TACR2: variants seen among roughly 807,000 people sequenced by gnomAD.
TACR2 encodes substance-K receptor.
In TACR2, 24 loss-of-function variants were observed where a neutral mutation model predicts 28.9. The observed-to-expected ratio is 0.83, with a 90% CI of 0.60 to 1.17. TACR2 has a LOEUF of 1.17. Ranked by LOEUF, TACR2 falls within the 50% of genes most tolerant of loss-of-function variation. The pLI is 0.00. For synonymous variants in TACR2, 222 were observed against 212.6 expected, an observed-to-expected ratio of 1.04 and a Z score of -0.38; for missense variants, 487 against 524.4, an observed-to-expected ratio of 0.93 and a Z score of 0.70.
chr10:69,404,792 C>G lies in TACR2; in HGVS notation c.*34G>C, dbSNP rs1449242048. ...ATCCCCAATACCCAAACACCTCCCA[C>G]TAACCCCTACCTCCCAACACTGCCA... On this transcript the variant is annotated 3_prime_UTR_variant, in exon 5 of 5. Coordinates refer to ENST00000373306, the MANE Select transcript of TACR2 (RefSeq NM_001057.3). 3 of 1,250,422 alleles carry G rather than the reference C, an allele frequency of 2.4e-6. No homozygotes were observed. The East Asian group carries it at 7.7e-5, about 32-fold the overall frequency. The allele number at this position is 1,250,422 out of a possible 1,614,324, so 77.5% of individuals were successfully genotyped here.
chr10:69,410,186 G>A (rs139203633), intron 2 of TACR2, among the ~76,000 whole-genome samples: 1 of 151,950 alleles, frequency 6.6e-6, no homozygotes, highest in East Asian at 1.9e-4. Context: ...TCCCCAGGGA[G>A]GACACTGGGT....
chr10:69,414,990 C>T lies in TACR2; in HGVS notation c.542G>A (p.Cys181Tyr), dbSNP rs528407251. ...GCTGTCTTCGGGCCAGGCCACCACG[C>T]ACTTGGTGGCACCCTGGTCCATGGT... ...TVTMDQGATK[C>Y]VVAWPEDSGG... is the part of the protein sequence containing the mutation. The change falls in exon 2 of 5, where the codon TGC (cysteine) becomes TAC (tyrosine). Residue 181 changes from cysteine to tyrosine, a missense_variant. Coordinates refer to ENST00000373306, the MANE Select transcript of TACR2 (RefSeq NM_001057.3). The T allele has an allele frequency of 3.7e-6, 6 of 1,613,768 alleles. No homozygotes were observed. In the South Asian group the frequency reaches 5.5e-5, roughly 15 times the overall value.
At chr10:69,415,308 ACT>A (rs1840604282) in intron 1 of TACR2, among the ~76,000 whole-genome samples, 169 bp from the exon 2 acceptor site, 2 of 151,320 alleles carry the variant, frequency 1.3e-5, no homozygotes, top group Non-Finnish European at 2.9e-5. Context: ...CCGCTGGGTG[ACT>A]CTCCCACAGC....
Position 69,416,164 on chromosome 10 carries a change from C to T in TACR2, c.160G>A (p.Val54Ile), listed in dbSNP as rs151093941. Residue 54 changes from valine (V) to isoleucine (I), a missense_variant, in exon 1 of 5, where the codon GTC becomes ATC. Coordinates refer to ENST00000373306, the MANE Select transcript of TACR2 (RefSeq NM_001057.3). ...VLVAVTGNAIVIWIILAHRRM... is the reference protein window; with the variant it reads ...VLVAVTGNAIIIWIILAHRRM... ...CGATGGGCCAGGATGATCCAGATGA[C>T]GATGGCATTACCCGTCACGGCCACC... is the stretch of plus-strand genomic sequence containing the variant. 214 of 1,614,184 alleles carry T rather than the reference C, an allele frequency of 1.3e-4. No individual in the cohort carries two copies. The highest frequency in any genetic ancestry group is 2.8e-4 in the African/African-American group (21 of 75,054).
intron 4 of TACR2, among the ~76,000 whole-genome samples, 195 bp downstream of exon 4, chr10:69,406,884 GGGCTC>G (rs1840506432): frequency 6.6e-6 from 1 of 152,204 alleles, no homozygotes; most frequent in Admixed American, 6.5e-5. Context: ...GGGAGGAAGG[GGGCTC>G]AAGCTAGGCC....
chr10:69,410,396 C>T (rs542192994), intron 2 of TACR2, among the ~76,000 whole-genome samples: 17 of 152,006 alleles, frequency 1.1e-4, no homozygotes, highest in Non-Finnish European at 1.9e-4. Context: ...TGGGGCACAC[C>T]TGTAATTCCA....
rs200975784 is a variant in TACR2 at position 69,415,019 on chromosome 10, G to A, written c.513C>T (p.Thr171=). 29 of 1,613,802 alleles carry A rather than the reference G, an allele frequency of 1.8e-5. No individual in the cohort carries two copies. Among genetic ancestry groups the A allele is most frequent in the South Asian group, 1.8e-4 (16 of 91,088 alleles). ...TGGTGGCACCCTGGTCCATGGTGAC[G>A]GTGGAGTAGAAGCACTGAGGGGAGG... The part of the protein sequence containing the change: ...ALASPQCFYS[T]VTMDQGATKC... The change falls in exon 2 of 5, where the codon ACC becomes ACT. Residue 171 remains threonine, a synonymous_variant. Coordinates refer to ENST00000373306, the MANE Select transcript of TACR2 (RefSeq NM_001057.3).
chr10:69,415,267 A>G, intron 1 of TACR2, 128 bp from the exon 2 acceptor site: 4 of 1,054,914 alleles, frequency 3.8e-6, no homozygotes, highest in Non-Finnish European at 5.3e-6. Flanking sequence ...CCATCTGCTG[A>G]TATCATAGTA....
At chr10:69,414,870 C>G in intron 2 of TACR2, 75 bp downstream of exon 2, 1 of 1,448,638 alleles carries the variant, frequency 6.9e-7, no homozygotes, top group Non-Finnish European at 9.4e-7. Context: ...TGGATGCATG[C>G]ACGCGTGTGT....
intron 2 of TACR2, among the ~76,000 whole-genome samples, chr10:69,411,847 T>G (rs115424556): frequency 0.036 from 5,471 of 152,280 alleles, 267 homozygotes; most frequent in African/African-American, 0.11. Flanking sequence ...TTTGTTTTTT[T>G]TGAGATGGAG....
At position 69,407,109 on chromosome 10, in the gene TACR2, T is replaced by C. The variant is rs1256556556; in HGVS notation, c.913A>G (p.Ile305Val). The change falls in exon 4 of 5, where the codon ATC (isoleucine) becomes GTC (valine). Residue 305 changes from isoleucine to valine, a missense_variant. Transcript: ENST00000373306. ...LAMSSTMYNP[I>V]IYCCLNHRFR... ...CTGTGGTTGAGACAGCAGTAGATGA[T>C]GGGATTGTACATGGTAGAGCTCATG... 1 of 1,613,690 alleles carries C rather than the reference T, an allele frequency of 6.2e-7. No homozygotes were observed. Among genetic ancestry groups the C allele is most frequent in the East Asian group, 2.2e-5 (1 of 44,846 alleles).
chr10:69,406,298 A>G (rs1840501503), intron 4 of TACR2, among the ~76,000 whole-genome samples: 1 of 152,152 alleles, frequency 6.6e-6, no homozygotes, highest in South Asian at 2.1e-4. Context: ...CCTGCCACTG[A>G]AAGGCCTGCT....
rs781008887 is a variant in TACR2 at position 69,416,031 on chromosome 10, ATGT to A, written c.290_292del (p.Asn97del). On this transcript the variant is annotated inframe_deletion, in exon 1 of 5. Transcript: ENST00000373306. Reference sequence around the variant, plus strand: ...GCAGAAGGCACGGCCAAAGTACCAGATGTTGTGGCTGGCATAGACAAAGTTGAA... The same window carrying A: ...GCAGAAGGCACGGCCAAAGTACCAGATGTGGCTGGCATAGACAAAGTTGAA... The A allele has an allele frequency of 1.2e-4, 201 of 1,614,212 alleles. No homozygotes were observed. The highest frequency in any genetic ancestry group is 5.1e-5 in the Non-Finnish European group (60 of 1,180,036).
chr10:69,414,959 G>T lies in TACR2; in HGVS notation c.573C>A (p.Gly191=). Residue 191 remains glycine (G), a synonymous_variant, in exon 2 of 5, where the codon GGC becomes GGA. Transcript: ENST00000373306. ...AGAGGCCTTACAGGAGGAGCGTCTTGCCCCCGCTGTCTTCGGGCCAGGCCA... is the reference window on the plus strand; with the variant it reads ...AGAGGCCTTACAGGAGGAGCGTCTTTCCCCCGCTGTCTTCGGGCCAGGCCA... ...CVVAWPEDSG[G]KTLLLYHLVV... 1 of 1,611,940 alleles carries T rather than the reference G, an allele frequency of 6.2e-7. No individual in the cohort carries two copies.
chr10:69,409,595 T>C (rs1332747331), intron 2 of TACR2, among the ~76,000 whole-genome samples: 3 of 151,952 alleles, frequency 2.0e-5, no homozygotes, highest in Non-Finnish European at 2.9e-5. Context: ...TACAACAAGA[T>C]ATTTTGAGAG....
chr10:69,415,836 C>G (rs1840611307), intron 1 of TACR2, 96 bp downstream of exon 1: 40 of 1,450,628 alleles, frequency 2.8e-5, no homozygotes, highest in Non-Finnish European at 3.6e-5. Context: ...ATGGTTCTAC[C>G]CAAACTTGCT....
At chr10:69,414,138 G>A (rs1215446302) in intron 2 of TACR2, among the ~76,000 whole-genome samples, 1 of 152,172 alleles carries the variant, frequency 6.6e-6, no homozygotes, top group Non-Finnish European at 1.5e-5. Context: ...ACTGAGGCCG[G>A]AATGGAGAAA....
Position 69,408,981 on chromosome 10 carries a change from C to A in TACR2, c.682G>T (p.Ala228Ser), listed in dbSNP as rs201222538. Reference sequence around the variant, plus strand: ...CCGTGCGCCTGATGTCCGGGCACTGCGCGCCTCCAGAGCGTGAGGCCGATG... The same window carrying A: ...CCGTGCGCCTGATGTCCGGGCACTGAGCGCCTCCAGAGCGTGAGGCCGATG... ...SVIGLTLWRR[A>S]VPGHQAHGAN... Residue 228 changes from alanine (A) to serine (S), a missense_variant, in exon 3 of 5, where the codon GCA (alanine) becomes TCA (serine). Coordinates refer to ENST00000373306, the MANE Select transcript of TACR2 (RefSeq NM_001057.3). 1.2e-6 allele frequency: 2 copies of A among 1,603,502 alleles called. No individual in the cohort carries two copies. The highest frequency in any genetic ancestry group is 1.7e-6 in the Non-Finnish European group (2 of 1,177,162).
At position 69,416,471 on chromosome 10, in the gene TACR2, G is replaced by T. The variant is rs1429454139; in HGVS notation, c.-148C>A. ...TGGTGGCACATCAGGAGAGCCTGGG[G>T]CCACTCCTAGGTCTCAGGCAAAGAT... is the stretch of plus-strand genomic sequence containing the variant. On this transcript the variant is annotated 5_prime_UTR_variant, in exon 1 of 5. Coordinates refer to ENST00000373306, the MANE Select transcript of TACR2 (RefSeq NM_001057.3). The T allele has an allele frequency of 5.5e-6, 6 of 1,091,730 alleles. No individual in the cohort carries two copies. The highest frequency in any genetic ancestry group is 7.7e-6 in the Non-Finnish European group (6 of 782,384). 67.6% of individuals were successfully genotyped at this position (1,091,730 alleles called of 1,614,324 possible). A position where few individuals can be genotyped will look rare whatever the true frequency, so the allele number is the denominator to read the frequency against.
Sources: allele counts gnomAD v4.1 joint callset (sites outside exome capture counted in the v4.1 genomes callset), GRCh38; gene constraint gnomAD v4.1.1; transcripts MANE v1.5; gene names NCBI Gene and HGNC (gene_info 2026-07-23, HGNC 2026-07-21).